Variants in IL1RAPL1 observed in about 807,000 individuals in gnomAD.
IL1RAPL1 encodes interleukin 1 receptor accessory protein like 1.
Under a neutral mutation model 48.4 loss-of-function variants are expected in IL1RAPL1, and 3 were observed. The ratio of observed to expected loss-of-function variants is 0.06; its 90% CI spans 0.03 to 0.16. The LOEUF (loss-of-function observed/expected upper bound fraction) is 0.16, where lower values mean the gene tolerates loss of function less well. Ranked by LOEUF, IL1RAPL1 falls within the 10% of genes least tolerant of loss-of-function variation. IL1RAPL1 has a pLI of 1.00. For missense variants in IL1RAPL1, 349 were observed against 530.6 expected (o/e 0.66, Z 3.36); for synonymous variants, 185 against 187.7 (o/e 0.99, Z 0.12).
chrX:29,802,777 ATATATGTG>A (rs1387402372), intron 6 of IL1RAPL1, among the ~76,000 whole-genome samples: 15 of 24,368 alleles, frequency 6.2e-4, no homozygotes, highest in African/African-American at 2.6e-3. Flanking sequence ...ATATATATAT[ATATATGTG>A]TGTGTGTATA....
At chrX:29,766,362 TAGATAGATAG>T (rs1300373537) in intron 6 of IL1RAPL1, among the ~76,000 whole-genome samples, 4 of 69,906 alleles carry the variant, frequency 5.7e-5, no homozygotes, top group Non-Finnish European at 7.5e-5. Flanking sequence ...TATATATATA[TAGATAGATAG>T]ATAGATAGAT....
intron 2 of IL1RAPL1, among the ~76,000 whole-genome samples, chrX:29,114,446 C>T (rs1928635956): frequency 8.9e-6 from 1 of 111,805 alleles, no homozygotes; most frequent in South Asian, 3.7e-4. Flanking sequence ...ATATGCACAC[C>T]TCTTCCCTTT....
chrX:29,873,290 C>T (rs1028223827), intron 6 of IL1RAPL1, among the ~76,000 whole-genome samples: 1 of 111,315 alleles, frequency 9.0e-6, no homozygotes, highest in African/African-American at 3.3e-5. Context: ...AATTTACTGC[C>T]TTTTCATTGT....
At chrX:29,003,985 T>A (rs1925917747) in intron 2 of IL1RAPL1, among the ~76,000 whole-genome samples, 2 of 111,016 alleles carry the variant, frequency 1.8e-5, no homozygotes. Context: ...CTACTAAAAC[T>A]ACAAAAATTA....
intron 2 of IL1RAPL1, among the ~76,000 whole-genome samples, chrX:28,863,418 C>T (rs866583840): frequency 6.9e-4 from 59 of 85,150 alleles, no homozygotes; most frequent in East Asian, 3.0e-3. Flanking sequence ...GCCTACGGGC[C>T]TTTTTTTTTT....
chrX:29,625,815 C>T (rs1241643915), intron 5 of IL1RAPL1, among the ~76,000 whole-genome samples: 1 of 111,841 alleles, frequency 8.9e-6, no homozygotes, highest in African/African-American at 3.2e-5. Flanking sequence ...GATGATCCTT[C>T]CATGTGATTT....
chrX:29,548,490 C>T (rs1357687606), intron 5 of IL1RAPL1, among the ~76,000 whole-genome samples: 2 of 111,962 alleles, frequency 1.8e-5, no homozygotes, highest in East Asian at 2.8e-4. Flanking sequence ...AATAGCTTTT[C>T]GGTTTATGCA....
At chrX:29,781,374 A>G (rs193143571) in intron 6 of IL1RAPL1, among the ~76,000 whole-genome samples, 10 of 111,632 alleles carry the variant, frequency 9.0e-5, no homozygotes, top group African/African-American at 2.9e-4. Flanking sequence ...AAATAGGGGA[A>G]TATCAAGATG....
chrX:28,714,133 C>T (rs1935474691), intron 1 of IL1RAPL1, among the ~76,000 whole-genome samples: 1 of 111,658 alleles, frequency 9.0e-6, no homozygotes, highest in East Asian at 2.8e-4. Flanking sequence ...ACTGAAGTCT[C>T]CTGATGATTT....
At chrX:29,555,838 A>G (rs1030230430) in intron 5 of IL1RAPL1, among the ~76,000 whole-genome samples, 9 of 112,168 alleles carry the variant, frequency 8.0e-5, no homozygotes, top group African/African-American at 2.9e-4. Context: ...TAGGAAAGGA[A>G]AAGAACACTG....
At chrX:28,836,340 A>T (rs1362784328) in intron 2 of IL1RAPL1, among the ~76,000 whole-genome samples, 1 of 75,011 alleles carries the variant, frequency 1.3e-5, no homozygotes, top group Admixed American at 1.3e-4. Context: ...CCAATTTTAT[A>T]TATATATATA....
chrX:29,381,490 A>C (rs1181881095), intron 3 of IL1RAPL1, among the ~76,000 whole-genome samples: 4 of 65,462 alleles, frequency 6.1e-5, no homozygotes, highest in Non-Finnish European at 8.0e-5. Context: ...CCTCATCTCT[A>C]CAAAAAAAAA....
intron 1 of IL1RAPL1, among the ~76,000 whole-genome samples, chrX:28,645,382 AAGAG>A (rs988888536): frequency 1.9e-5 from 2 of 106,727 alleles, no homozygotes; most frequent in South Asian, 8.5e-4. Context: ...AAGGAAAAGA[AAGAG>A]AGAGGGAGGT....
intron 1 of IL1RAPL1, among the ~76,000 whole-genome samples, chrX:28,724,402 G>A (rs746785588): frequency 3.7e-4 from 41 of 110,947 alleles, no homozygotes; most frequent in Non-Finnish European, 5.8e-4. Context: ...TTTTATCAGA[G>A]ACTAGGATTG....
chrX:29,049,007 T>C (rs1355953710), intron 2 of IL1RAPL1, among the ~76,000 whole-genome samples: 4 of 112,631 alleles, frequency 3.6e-5, no homozygotes, highest in Non-Finnish European at 7.5e-5. Context: ...GCTCTATTAC[T>C]TTCAACATTG....
intron 5 of IL1RAPL1, among the ~76,000 whole-genome samples, chrX:29,483,464 C>T (rs1347834331): frequency 9.0e-6 from 1 of 111,125 alleles, no homozygotes; most frequent in Non-Finnish European, 1.9e-5. Context: ...ATACGTTCTG[C>T]GATGCTATTT....
chrX:29,831,016 T>C (rs748068752), intron 6 of IL1RAPL1, among the ~76,000 whole-genome samples: 2 of 111,806 alleles, frequency 1.8e-5, no homozygotes, highest in East Asian at 2.8e-4. Flanking sequence ...TAAAGTATAA[T>C]GGTTCCAAAT....
At chrX:28,810,227 C>T (rs1047455495) in intron 2 of IL1RAPL1, among the ~76,000 whole-genome samples, 1 of 109,916 alleles carries the variant, frequency 9.1e-6, no homozygotes, top group Non-Finnish European at 1.9e-5. Context: ...TATTGAAAAC[C>T]ATTTGCCTGG....
At chrX:29,587,917 A>C (rs748648497) in intron 5 of IL1RAPL1, among the ~76,000 whole-genome samples, 60 of 112,055 alleles carry the variant, frequency 5.4e-4, no homozygotes, top group Middle Eastern at 4.6e-3. Context: ...TCTCTATTCA[A>C]ACTATTGCAG....
Sources: gnomAD v4.1 joint callset for allele counts (sites outside exome capture counted in the v4.1 genomes callset) on GRCh38, gnomAD v4.1.1 for gene constraint, MANE v1.5 for transcripts, NCBI Gene and HGNC (gene_info 2026-07-23, HGNC 2026-07-21) for gene names.